The following AGTPBP1 variants were observed in gnomAD, a reference collection of about 807,000 sequenced individuals.
The protein encoded by AGTPBP1 is ATP/GTP binding carboxypeptidase 1.
Under a neutral mutation model 143.9 loss-of-function variants are expected in AGTPBP1, and 70 were observed. That is an observed-to-expected ratio of 0.49 (90% CI 0.40 to 0.59). The LOEUF is 0.59. AGTPBP1 is among the 20% of genes least tolerant of loss of function. The pLI, the probability that AGTPBP1 is intolerant of heterozygous loss-of-function variation, is 0.00. For missense variants in AGTPBP1, 1,229 were observed against 1,464.5 expected, an observed-to-expected ratio of 0.84 and a Z score of 2.62; for synonymous variants, 463 against 500.2, an observed-to-expected ratio of 0.93 and a Z score of 0.99.
Position 85,642,763 on chromosome 9 carries a change from CT to C in AGTPBP1, c.1302+63del, listed in dbSNP as rs1832568201. The C allele has an allele frequency of 7.0e-6, 9 of 1,280,496 alleles. No individual in the cohort carries two copies. In the South Asian group the frequency reaches 1.2e-4, roughly 17 times the overall value. 79.3% of individuals were successfully genotyped at this position (1,280,496 alleles called of 1,614,324 possible). A position where few individuals can be genotyped will look rare whatever the true frequency, so the allele number is the denominator to read the frequency against. On this transcript the variant is annotated intron_variant, in intron 13 of 25. Transcript: ENST00000357081. Reference sequence around the variant, plus strand: ...GAAAATAAAAACAGTGATTATCGACCTAAGGGAAAAAAAATAACTTTTTATT... The same window carrying C: ...GAAAATAAAAACAGTGATTATCGACCAAGGGAAAAAAAATAACTTTTTATT...
intron 17 of AGTPBP1, 139 bp downstream of exon 17, chr9:85,618,844 A>G (rs918519078): frequency 7.7e-6 from 7 of 910,564 alleles, no homozygotes; most frequent in East Asian, 2.7e-5. Context: ...CAAATGTTGC[A>G]TAATATCTGA....
chr9:85,596,162 T>C (rs1004139050), intron 18 of AGTPBP1, among the ~76,000 whole-genome samples, 200 bp downstream of exon 18: 2 of 152,226 alleles, frequency 1.3e-5, no homozygotes, highest in Non-Finnish European at 2.9e-5. Flanking sequence ...TGTCTGCCTA[T>C]ACAACACATT....
intron 17 of AGTPBP1, among the ~76,000 whole-genome samples, chr9:85,606,088 G>T (rs1386120795): frequency 6.6e-6 from 1 of 151,796 alleles, no homozygotes; most frequent in Non-Finnish European, 1.5e-5. Flanking sequence ...CCAATAAAAG[G>T]AAACAATCAA....
chr9:85,599,720 C>A (rs1374368482), intron 17 of AGTPBP1, among the ~76,000 whole-genome samples: 1 of 152,224 alleles, frequency 6.6e-6, no homozygotes, highest in Admixed American at 6.5e-5. Flanking sequence ...GACCTTCACT[C>A]TGTACATTTT....
At chr9:85,580,627 T>C (rs1187656584) in intron 23 of AGTPBP1, among the ~76,000 whole-genome samples, 3 of 152,208 alleles carry the variant, frequency 2.0e-5, no homozygotes, top group African/African-American at 7.2e-5. Context: ...CTGGCAAAGA[T>C]GATAGTACAA....
the AGTPBP1 span, among the ~76,000 whole-genome samples, chr9:85,757,850 G>A: frequency 2.0e-4 from 31 of 152,254 alleles, no homozygotes; most frequent in African/African-American, 7.0e-4. Context: ...CTCTGGGACC[G>A]ATTTATTTTC....
chr9:85,588,416 C>T lies in AGTPBP1; in HGVS notation c.2785G>A (p.Val929Ile), dbSNP rs752952977. The T allele has an allele frequency of 5.0e-6, 8 of 1,613,304 alleles. 1 individual carries two copies. In the South Asian group the frequency reaches 6.6e-5, roughly 13 times the overall value. The change falls in exon 21 of 26, where the codon GTT becomes ATT. Residue 929 changes from valine to isoleucine, a missense_variant. By Grantham distance (29) the Val-to-Ile change is conservative. This residue lies in a region of AGTPBP1 where 486 missense variants were observed against 652.3 expected (regional missense o/e 0.75). Coordinates refer to ENST00000357081, the MANE Select transcript of AGTPBP1 (RefSeq NM_001330701.2). ...VHPGETNASW[V>I]MKGTLEYLMS... The stretch of plus-strand genomic sequence containing the variant: ...AGATATTCCAACGTTCCTTTCATAA[C>T]CCAACTTGCATTAGTTTCTCCAGGA...
intron 25 of AGTPBP1, among the ~76,000 whole-genome samples, chr9:85,562,581 A>C (rs1309387461): frequency 6.6e-6 from 1 of 152,222 alleles, no homozygotes; most frequent in Non-Finnish European, 1.5e-5. Context: ...TCTAATCTTT[A>C]AATCTCCATT....
intron 2 of AGTPBP1, among the ~76,000 whole-genome samples, chr9:85,704,781 A>G (rs899141335): frequency 6.6e-6 from 1 of 152,230 alleles, no homozygotes; most frequent in African/African-American, 2.4e-5. Context: ...AACAAAGAAT[A>G]GATACAAACA....
At chr9:85,735,121 A>G (rs1452749089) in intron 1 of AGTPBP1, among the ~76,000 whole-genome samples, 3 of 152,240 alleles carry the variant, frequency 2.0e-5, no homozygotes, top group Non-Finnish European at 4.4e-5. Flanking sequence ...ATTCACAAGC[A>G]ACCCAAGTGT....
chr9:85,605,567 G>A (rs536660854), intron 17 of AGTPBP1, among the ~76,000 whole-genome samples: 3 of 152,006 alleles, frequency 2.0e-5, no homozygotes, highest in East Asian at 3.9e-4. Flanking sequence ...AAATTCAATC[G>A]TAATAATAAC....
intron 25 of AGTPBP1, among the ~76,000 whole-genome samples, chr9:85,555,691 G>A (rs915264881): frequency 1.3e-5 from 2 of 152,204 alleles, no homozygotes; most frequent in African/African-American, 2.4e-5. Context: ...AGGGGGGCGA[G>A]GTGGCACTAG....
chr9:85,639,065 C>T (rs1005110335), intron 13 of AGTPBP1, among the ~76,000 whole-genome samples: 2 of 151,918 alleles, frequency 1.3e-5, no homozygotes, highest in South Asian at 2.1e-4. Context: ...GGCCATAAAA[C>T]GAGTCTCAAA....
chr9:85,805,266 G>GCCCCGCCCCCGC, the AGTPBP1 span: 2 of 152,166 alleles, frequency 1.3e-5, no homozygotes, highest in Non-Finnish European at 2.9e-5. Context: ...GACGCGCCAG[G>GCCCCGCCCCCGC]CCCCGCCCCC....
the AGTPBP1 span, among the ~76,000 whole-genome samples, chr9:85,760,712 G>C: frequency 8.5e-5 from 13 of 152,170 alleles, no homozygotes; most frequent in Non-Finnish European, 1.5e-4. Context: ...ACTGGCACAA[G>C]ACAGGGATGC....
Position 85,585,462 on chromosome 9 carries a change from C to A in AGTPBP1, c.3165+1G>T. On this transcript the variant is annotated splice_donor_variant, in intron 23 of 25. Transcript: ENST00000357081. LOFTEE classifies it high-confidence loss of function. ...ACTTATGAATCATCTGTAATAATTACCCTGTATCCCGTATCCTCCACAACA... is the reference window on the plus strand; with the variant it reads ...ACTTATGAATCATCTGTAATAATTAACCTGTATCCCGTATCCTCCACAACA... 1.3e-6 allele frequency: 2 copies of A among 1,591,584 alleles called. No homozygotes were observed. The highest frequency in any genetic ancestry group is 1.7e-6 in the Non-Finnish European group (2 of 1,170,774).
intron 8 of AGTPBP1, among the ~76,000 whole-genome samples, chr9:85,667,888 C>A (rs1471730800): frequency 8.4e-6 from 1 of 118,980 alleles, no homozygotes; most frequent in African/African-American, 3.3e-5. Flanking sequence ...AAGCCCTGAA[C>A]AAGCAAGCCA....
chr9:85,751,408 TAG>T, the AGTPBP1 span, among the ~76,000 whole-genome samples: 4 of 152,222 alleles, frequency 2.6e-5, no homozygotes, highest in African/African-American at 7.2e-5. Flanking sequence ...TAAAAATTGT[TAG>T]AGTCATCAGA....
the AGTPBP1 span, chr9:85,773,799 C>T: frequency 1.8e-6 from 2 of 1,089,986 alleles, no homozygotes. Context: ...ATTAGCTTAT[C>T]TAAGACACAC....
Sources: gnomAD v4.1 joint callset for allele counts (sites outside exome capture counted in the v4.1 genomes callset) on GRCh38, gnomAD v4.1.1 for gene constraint, gnomAD v4.1.1 regional missense constraint, MANE v1.5 for transcripts, NCBI Gene and HGNC (gene_info 2026-07-23, HGNC 2026-07-21) for gene names.